Variants in PIK3R6 observed in about 807,000 individuals in gnomAD.
PIK3R6 encodes phosphoinositide 3-kinase regulatory subunit 6.
PIK3R6 carries 91 observed loss-of-function variants against 84.9 expected under a neutral mutation model. The observed-to-expected ratio is 1.07, with a 90% confidence interval of 0.90 to 1.28. The LOEUF (loss-of-function observed/expected upper bound fraction) is 1.28. PIK3R6 is among the 50% of genes most tolerant of loss of function. The pLI is 0.00. For missense variants in PIK3R6, 996 were observed against 985.1 expected, an observed-to-expected ratio of 1.01 and a Z score of -0.15; for synonymous variants, 416 against 411.4, an observed-to-expected ratio of 1.01 and a Z score of -0.13.
chr17:8,819,093 T>C lies in PIK3R6; in HGVS notation c.1985A>G (p.Lys662Arg), dbSNP rs778700790. ...CTACTCAGTACTTACAGAGAAGGAC[T>C]TTCCCGCCAAGTTGGAGGACTTGAC... ...EVVKSSNLAG[K>R]SFSTVTNTFR... Residue 662 changes from lysine (K) to arginine (R), a missense_variant, in exon 18 of 20, where the codon AAG becomes AGG. Transcript: ENST00000619866. 5 of 1,601,596 alleles carry C rather than the reference T, an allele frequency of 3.1e-6. No homozygotes were observed. In the African/African-American group the frequency reaches 4.0e-5, roughly 13 times the overall value.
intron 14 of PIK3R6, 39 bp from the exon 15 acceptor site, chr17:8,823,125 T>A: frequency 6.9e-7 from 1 of 1,457,572 alleles, no homozygotes; most frequent in Non-Finnish European, 9.6e-7. Flanking sequence ...CCTGGTGTGA[T>A]TTCCAAATCA....
chr17:8,836,441 CTCT>C lies in PIK3R6; in HGVS notation c.461+103_461+105del. The C allele has an allele frequency of 3.3e-6, 4 of 1,221,276 alleles. No homozygotes were observed. In the South Asian group the frequency reaches 5.1e-5, roughly 16 times the overall value. The allele number at this position is 1,221,276 out of a possible 1,614,324, so 75.7% of individuals were successfully genotyped here. On this transcript the variant is annotated intron_variant, in intron 7 of 19. Transcript: ENST00000619866. ...TCATGGCTGGGGAGGTCTGCTAGGG[CTCT>C]TCTTAATCCAGCCTCCTCTTTTGTC...
chr17:8,819,957 T>C (rs7224998), intron 17 of PIK3R6, among the ~76,000 whole-genome samples: 5 of 75,918 alleles, frequency 6.6e-5, no homozygotes, highest in Non-Finnish European at 1.1e-4. Context: ...ATATATATAT[T>C]TTTTTTTTGA....
At chr17:8,836,517 G>A (rs761335410) in intron 7 of PIK3R6, 30 bp downstream of exon 7, 2 of 1,612,786 alleles carry the variant, frequency 1.2e-6, no homozygotes, top group Non-Finnish European at 8.5e-7. Context: ...TTAGGAGGCT[G>A]AAGGTAGCAA....
In PIK3R6 at chr17:8,828,778, G is replaced by T. The variant is rs1319133018; in HGVS notation, c.1102C>A (p.Arg368Ser). ...GCACGCTTCTTGATGCCCCCTTTGCGCTGCAGCCCGGCTCGCTCCATCTCA... is the reference window on the plus strand; with the variant it reads ...GCACGCTTCTTGATGCCCCCTTTGCTCTGCAGCCCGGCTCGCTCCATCTCA... ...SPEMERAGLQ[R>S]KGGIKKRAWP... Residue 368 changes from arginine to serine, a missense_variant, in exon 11 of 20, where the codon CGC (arginine) becomes AGC (serine). Arg to Ser is a moderately radical substitution (Grantham distance 110, BLOSUM62 -1). Transcript: ENST00000619866. 1 of 1,589,398 alleles carries T rather than the reference G, an allele frequency of 6.3e-7. No individual in the cohort carries two copies. The highest frequency in any genetic ancestry group is 8.6e-7 in the Non-Finnish European group (1 of 1,165,566).
At position 8,819,178 on chromosome 17, in the gene PIK3R6, G is replaced by A; in HGVS notation, c.1900C>T (p.Pro634Ser). ...DTEVSGSSHC[P>S]LPAAPVTDHT... ...TCTGTGACAGGAGCAGCAGGCAGGG[G>A]GCAATGGCTAGACCCTGAAACTGAA... The change falls in exon 18 of 20, where the codon CCC becomes TCC. Residue 634 changes from proline (P) to serine (S), a missense_variant. By Grantham distance (74) the Pro-to-Ser change is moderately conservative. Coordinates refer to ENST00000619866, the MANE Select transcript of PIK3R6 (RefSeq NM_001010855.4). The A allele has an allele frequency of 6.2e-7, 1 of 1,609,080 alleles. No homozygotes were observed. Among genetic ancestry groups the A allele is most frequent in the South Asian group, 1.1e-5 (1 of 89,912 alleles).
Position 8,828,801 on chromosome 17 carries a change from T to C in PIK3R6, c.1079A>G (p.Glu360Gly). ...GCGCTGCAGCCCGGCTCGCTCCATCTCAGGGCTGCCGGGTGCAGGCAGCTC... is the reference window on the plus strand; with the variant it reads ...GCGCTGCAGCCCGGCTCGCTCCATCCCAGGGCTGCCGGGTGCAGGCAGCTC... ...ADELPAPGSP[E>G]MERAGLQRKG... The change falls in exon 11 of 20, where the codon GAG (glutamate) becomes GGG (glycine). Residue 360 changes from glutamate (E) to glycine (G), a missense_variant. By Grantham distance (98) the Glu-to-Gly change is moderately conservative. Coordinates refer to ENST00000619866, the MANE Select transcript of PIK3R6 (RefSeq NM_001010855.4). 1 of 1,588,370 alleles carries C rather than the reference T, an allele frequency of 6.3e-7. No homozygotes were observed. Among genetic ancestry groups the C allele is most frequent in the Non-Finnish European group, 8.6e-7 (1 of 1,165,340 alleles).
At chr17:8,829,546 A>G (rs531289669) in intron 10 of PIK3R6, among the ~76,000 whole-genome samples, 160 bp downstream of exon 10, 1 of 149,122 alleles carries the variant, frequency 6.7e-6, no homozygotes, top group Non-Finnish European at 1.5e-5. Context: ...GCATGCACAC[A>G]GACACACACT....
chr17:8,858,635 A>G (rs73973235), intron 1 of PIK3R6, among the ~76,000 whole-genome samples: 9,337 of 152,172 alleles, frequency 0.061, 932 homozygotes, highest in African/African-American at 0.21. Flanking sequence ...ATGAGTCTCA[A>G]TGGAAGCTCA....
At chr17:8,815,611 G>A (rs1417956724) in intron 18 of PIK3R6, among the ~76,000 whole-genome samples, 1 of 152,164 alleles carries the variant, frequency 6.6e-6, no homozygotes, top group Non-Finnish European at 1.5e-5. Flanking sequence ...CGTCCTAGGA[G>A]CATTTGCTAA....
intron 1 of PIK3R6, among the ~76,000 whole-genome samples, chr17:8,851,651 G>C (rs2088974223): frequency 6.6e-6 from 1 of 152,216 alleles, no homozygotes; most frequent in African/African-American, 2.4e-5. Context: ...AGGATGTGGT[G>C]CATTGCTGGT....
At chr17:8,843,945 G>A (rs2088754989) in intron 2 of PIK3R6, among the ~76,000 whole-genome samples, 1 of 152,184 alleles carries the variant, frequency 6.6e-6, no homozygotes, top group Admixed American at 6.5e-5. Context: ...GTCTAAAAAG[G>A]TGCAGAAGAA....
chr17:8,804,043 G>C lies in PIK3R6; in HGVS notation c.2106C>G (p.Val702=). Residue 702 remains valine, a splice_region_variant and synonymous_variant, in exon 19 of 20, where the codon GTC becomes GTG. Coordinates refer to ENST00000619866, the MANE Select transcript of PIK3R6 (RefSeq NM_001010855.4). ...KDDQRTFRDV[V]RFEVAPCPEP... ...AGGGTTGGCAGGCCCAGCCTCACCT[G>C]ACCACATCCCTGAAAGTGCGTTGAT... 6.2e-7 allele frequency: 1 copy of C among 1,613,394 alleles called. No homozygotes were observed. Among genetic ancestry groups the C allele is most frequent in the Non-Finnish European group, 8.5e-7 (1 of 1,179,346 alleles).
chr17:8,833,071 G>T, intron 8 of PIK3R6, 26 bp from the exon 9 acceptor site: 1 of 1,544,176 alleles, frequency 6.5e-7, no homozygotes, highest in Admixed American at 1.9e-5. Flanking sequence ...GTCAGAGCCT[G>T]GGTCTTGGCC....
At position 8,827,237 on chromosome 17, in the gene PIK3R6, C is replaced by T. The variant is rs771187907; in HGVS notation, c.1450G>A (p.Val484Ile). The T allele has an allele frequency of 5.0e-6, 8 of 1,595,666 alleles. No individual in the cohort carries two copies. Among genetic ancestry groups the T allele is most frequent in the African/African-American group, 4.0e-5 (3 of 74,398 alleles). Residue 484 changes from valine (V) to isoleucine (I), a missense_variant, in exon 13 of 20, where the codon GTA becomes ATA. Val to Ile is a conservative substitution (Grantham distance 29, BLOSUM62 3). Transcript: ENST00000619866. The part of the protein sequence containing the change: ...LGELATFLGR[V>I]DPWYQSNVNT... Reference sequence around the variant, plus strand: ...ACGTTGCTCTGGTACCACGGGTCTACGCGGCCCAGGAACGTAGCCAGCTCT... The same window carrying T: ...ACGTTGCTCTGGTACCACGGGTCTATGCGGCCCAGGAACGTAGCCAGCTCT...
rs559108689 is a variant in PIK3R6, at chr17:8,835,348, G to A, written c.570C>T (p.Arg190=). Residue 190 remains arginine (R), a synonymous_variant, in exon 8 of 20, where the codon CGC becomes CGT. Transcript: ENST00000619866. ...QAQQTPETCM[R]HVVSHALQAA... The stretch of plus-strand genomic sequence containing the variant: ...CCTGCAGGGCGTGGGAGACCACGTG[G>A]CGCATGCAGGTCTCTGGTGTCTGCT... 1.2e-4 allele frequency: 187 copies of A among 1,611,140 alleles called. 2 individuals are homozygous for A. In the South Asian group the frequency reaches 1.5e-3, roughly 13 times the overall value.
At chr17:8,818,048 G>A (rs2087601817) in intron 18 of PIK3R6, among the ~76,000 whole-genome samples, 1 of 152,202 alleles carries the variant, frequency 6.6e-6, no homozygotes, top group Non-Finnish European at 1.5e-5. Flanking sequence ...AGCCTGGAGG[G>A]GGAGGGGGAG....
intron 13 of PIK3R6, among the ~76,000 whole-genome samples, chr17:8,825,390 G>T (rs2087884073): frequency 6.6e-6 from 1 of 152,124 alleles, no homozygotes; most frequent in South Asian, 2.1e-4. Context: ...GAATAATAGG[G>T]TAGGCAGGCT....
At chr17:8,824,217 C>A (rs1297875502) in intron 13 of PIK3R6, among the ~76,000 whole-genome samples, 1 of 152,164 alleles carries the variant, frequency 6.6e-6, no homozygotes, top group Admixed American at 6.5e-5. Flanking sequence ...TGCAGTGAGC[C>A]AAGATTGTGC....
Sources: gnomAD v4.1 joint callset for allele counts (sites outside exome capture counted in the v4.1 genomes callset) on GRCh38, gnomAD v4.1.1 for gene constraint, MANE v1.5 for transcripts, NCBI Gene and HGNC (gene_info 2026-07-23, HGNC 2026-07-21) for gene names.